VWA3B: variants seen among roughly 807,000 people sequenced by gnomAD.
VWA3B encodes the protein von Willebrand factor A domain containing 3B.
VWA3B carries 138 observed loss-of-function variants against 158.3 expected under a neutral mutation model. That is an observed-to-expected ratio of 0.87 (90% CI 0.76 to 1.00). The LOEUF (loss-of-function observed/expected upper bound fraction) is 1.00, where lower values mean the gene tolerates loss of function less well. VWA3B is among the 50% of genes least tolerant of loss of function. The pLI is 0.00. For synonymous variants in VWA3B, 596 were observed against 587.3 expected (o/e 1.01, Z -0.21); for missense variants, 1,555 against 1,565.1 (o/e 0.99, Z 0.11).
rs200891941 is a variant in VWA3B at position 98,121,347 on chromosome 2, C to G, written c.591C>G (p.Thr197=). The G allele has an allele frequency of 3.9e-5, 63 of 1,614,050 alleles. No individual in the cohort carries two copies. In the South Asian group the frequency reaches 4.3e-4, roughly 11 times the overall value. ...GGCAGGAAAATGCTACTCCTGTGAC[C>G]GAACAGTCCATAGCTACTGCCATCA... The part of the protein sequence containing the change: ...VKWQENATPV[T]EQSIATAISW... The change falls in exon 5 of 28, where the codon ACC becomes ACG. Residue 197 remains threonine (T), a synonymous_variant. Coordinates refer to ENST00000477737, the MANE Select transcript of VWA3B (RefSeq NM_144992.5).
At chr2:98,206,807 A>G in intron 12 of VWA3B, 1 of 373,748 alleles carries the variant, frequency 2.7e-6, no homozygotes, top group Non-Finnish European at 5.2e-6. Flanking sequence ...GAGTTAATCA[A>G]TAATGTTGCC....
At chr2:98,231,107 T>C (rs74808191) in intron 16 of VWA3B, among the ~76,000 whole-genome samples, 6,453 of 152,276 alleles carry the variant, frequency 0.042, 455 homozygotes, top group Admixed American at 0.18. Flanking sequence ...TGCTGAAAAT[T>C]ATAAAATTCT....
chr2:98,275,417 A>AGAG (rs1454615216), intron 22 of VWA3B, among the ~76,000 whole-genome samples: 1 of 152,116 alleles, frequency 6.6e-6, no homozygotes, highest in Non-Finnish European at 1.5e-5. Flanking sequence ...AGGTGCTGGG[A>AGAG]GAGGAGGAGG....
At chr2:98,220,901 A>G (rs1487379495) in intron 14 of VWA3B, among the ~76,000 whole-genome samples, 2 of 152,178 alleles carry the variant, frequency 1.3e-5, no homozygotes, top group Admixed American at 6.5e-5. Flanking sequence ...GTTCTCACTT[A>G]TAAGTGGGAG....
At chr2:98,283,366 C>T (rs1395058057) in intron 22 of VWA3B, among the ~76,000 whole-genome samples, 2 of 152,224 alleles carry the variant, frequency 1.3e-5, no homozygotes, top group African/African-American at 4.8e-5. Flanking sequence ...AGTATCCTCC[C>T]AGCCAGCTGG....
chr2:98,189,339 G>A (rs1197905850), intron 10 of VWA3B, among the ~76,000 whole-genome samples: 1 of 152,178 alleles, frequency 6.6e-6, no homozygotes, highest in Non-Finnish European at 1.5e-5. Context: ...CCCGGGAGGC[G>A]GAGCTTGCAG....
chr2:98,121,263 C>T (rs567839205), intron 4 of VWA3B, 36 bp from the exon 5 acceptor site: 3 of 1,599,746 alleles, frequency 1.9e-6, no homozygotes, highest in African/African-American at 2.7e-5. Context: ...TAGCACTGAT[C>T]ACTGCCCAGT....
intron 14 of VWA3B, among the ~76,000 whole-genome samples, chr2:98,227,881 G>A (rs574343101): frequency 1.4e-4 from 21 of 152,344 alleles, no homozygotes; most frequent in Non-Finnish European, 2.8e-4. Context: ...GCATTTTACA[G>A]ATGTTCAGCT....
At chr2:98,278,200 A>G (rs1376123500) in intron 22 of VWA3B, among the ~76,000 whole-genome samples, 1 of 152,076 alleles carries the variant, frequency 6.6e-6, no homozygotes, top group African/African-American at 2.4e-5. Context: ...TGGCTTGTTT[A>G]CTCAGCCCGT....
chr2:98,188,457 T>C (rs1193284068), intron 10 of VWA3B, among the ~76,000 whole-genome samples: 1 of 152,152 alleles, frequency 6.6e-6, no homozygotes, highest in South Asian at 2.1e-4. Context: ...TCCTCCTATC[T>C]AGCTAAACTT....
intron 7 of VWA3B, among the ~76,000 whole-genome samples, chr2:98,151,246 G>A (rs1677604921): frequency 6.6e-6 from 1 of 152,068 alleles, no homozygotes; most frequent in African/African-American, 2.4e-5. Context: ...CCGAGTAGCT[G>A]GGATTACAGG....
intron 19 of VWA3B, among the ~76,000 whole-genome samples, chr2:98,237,915 G>A (rs1263475672): frequency 1.3e-5 from 2 of 152,118 alleles, no homozygotes; most frequent in Admixed American, 6.5e-5. Flanking sequence ...TAGACCACAC[G>A]TTGATCATTG....
intron 21 of VWA3B, among the ~76,000 whole-genome samples, chr2:98,264,539 T>C (rs1017966424): frequency 2.6e-5 from 4 of 152,194 alleles, no homozygotes; most frequent in African/African-American, 9.7e-5. Flanking sequence ...AGTTTTCCTT[T>C]TGTTATTATT....
the VWA3B span, among the ~76,000 whole-genome samples, chr2:98,328,543 TG>T: frequency 6.6e-6 from 1 of 152,228 alleles, no homozygotes; most frequent in Non-Finnish European, 1.5e-5. Context: ...TGTATTTCTA[TG>T]TATAAATAAC....
intron 8 of VWA3B, among the ~76,000 whole-genome samples, chr2:98,179,708 TTTC>T (rs1437547216): frequency 1.5e-4 from 23 of 152,044 alleles, no homozygotes; most frequent in African/African-American, 1.2e-4. Flanking sequence ...TTTTTCTTTC[TTTC>T]TTCTTTCTTT....
intron 25 of VWA3B, among the ~76,000 whole-genome samples, chr2:98,303,268 G>A (rs1303056242): frequency 6.6e-6 from 1 of 151,942 alleles, no homozygotes; most frequent in South Asian, 2.1e-4. Context: ...GGGGCGGGGG[G>A]TGGAGGTGGG....
At chr2:98,307,013 A>G (rs1022868231) in intron 26 of VWA3B, among the ~76,000 whole-genome samples, 7 of 152,208 alleles carry the variant, frequency 4.6e-5, no homozygotes, top group African/African-American at 9.7e-5. Flanking sequence ...ATAAAGGCAT[A>G]GGTCTGATTT....
At chr2:98,177,341 T>C (rs1310344458) in intron 8 of VWA3B, among the ~76,000 whole-genome samples, 2 of 152,152 alleles carry the variant, frequency 1.3e-5, no homozygotes, top group East Asian at 1.9e-4. Flanking sequence ...AGGAAAGCCA[T>C]GTAATCAGGA....
chr2:98,114,573 A>G (rs1288034303), intron 2 of VWA3B, among the ~76,000 whole-genome samples: 1 of 152,188 alleles, frequency 6.6e-6, no homozygotes, highest in Non-Finnish European at 1.5e-5. Flanking sequence ...CTTCCTAGTA[A>G]GGCAGAGGGA....
Sources: allele counts gnomAD v4.1 joint callset (sites outside exome capture counted in the v4.1 genomes callset), GRCh38; gene constraint gnomAD v4.1.1; transcripts MANE v1.5; gene names NCBI Gene and HGNC (gene_info 2026-07-23, HGNC 2026-07-21).